Variants in ROBO1 observed in about 807,000 individuals in gnomAD.
The protein encoded by ROBO1 is roundabout guidance receptor 1.
In ROBO1, 149 loss-of-function variants were observed where a neutral mutation model predicts 195.9. That is an observed-to-expected ratio of 0.76 (90% CI 0.67 to 0.87). ROBO1 has a LOEUF of 0.87. ROBO1 is among the 40% of genes least tolerant of loss of function. The pLI is 0.00. For missense variants in ROBO1, 1,933 were observed against 2,068.3 expected, an observed-to-expected ratio of 0.93 and a Z score of 1.27; for synonymous variants, 816 against 733.2, an observed-to-expected ratio of 1.11 and a Z score of -1.82.
intron 2 of ROBO1, among the ~76,000 whole-genome samples, chr3:79,205,795 A>G (rs1190009890): frequency 6.6e-6 from 1 of 152,180 alleles, no homozygotes; most frequent in Non-Finnish European, 1.5e-5. Flanking sequence ...AAGCAGATGT[A>G]AAGATGGGGT....
chr3:78,746,036 T>A (rs565704026), intron 5 of ROBO1, among the ~76,000 whole-genome samples: 1 of 152,182 alleles, frequency 6.6e-6, no homozygotes, highest in Non-Finnish European at 1.5e-5. Flanking sequence ...AAGGGAAATA[T>A]TGAGCAACCA....
chr3:78,904,837 G>C (rs574117697), intron 4 of ROBO1, among the ~76,000 whole-genome samples: 1 of 151,678 alleles, frequency 6.6e-6, no homozygotes, highest in African/African-American at 2.4e-5. Context: ...GAAATTAAGA[G>C]AAGAAATTCT....
chr3:79,686,398 G>T (rs528334938), intron 1 of ROBO1, among the ~76,000 whole-genome samples: 2 of 152,218 alleles, frequency 1.3e-5, no homozygotes, highest in South Asian at 4.1e-4. Context: ...AGGAAATAAA[G>T]GGTATTCAAT....
intron 4 of ROBO1, among the ~76,000 whole-genome samples, chr3:78,827,805 C>G (rs2031768729): frequency 6.6e-6 from 1 of 152,114 alleles, no homozygotes. Context: ...TCTCTTCAGG[C>G]CTTCAACTGA....
At chr3:79,726,479 GA>G (rs528932776) in intron 1 of ROBO1, among the ~76,000 whole-genome samples, 3 of 152,084 alleles carry the variant, frequency 2.0e-5, no homozygotes, top group Non-Finnish European at 4.4e-5. Context: ...GCTTGATGTT[GA>G]AAAATAATCA....
chr3:79,732,871 C>A (rs942821046), intron 1 of ROBO1, among the ~76,000 whole-genome samples: 1 of 151,962 alleles, frequency 6.6e-6, no homozygotes. Flanking sequence ...CTTACATTTT[C>A]ATGTTTTAAA....
At chr3:78,996,554 A>C (rs1310722672) in intron 3 of ROBO1, among the ~76,000 whole-genome samples, 2 of 152,128 alleles carry the variant, frequency 1.3e-5, no homozygotes, top group Non-Finnish European at 2.9e-5. Context: ...ATCCTCATGG[A>C]AGATTTGACC....
intron 4 of ROBO1, among the ~76,000 whole-genome samples, chr3:78,860,078 C>CA (rs532903511): frequency 0.024 from 1,817 of 77,002 alleles, 22 homozygotes; most frequent in African/African-American, 0.048. Flanking sequence ...GACTTCGTCT[C>CA]AAAAAAAAAA....
chr3:79,239,595 T>C (rs963635089), intron 2 of ROBO1, among the ~76,000 whole-genome samples: 1 of 152,152 alleles, frequency 6.6e-6, no homozygotes, highest in African/African-American at 2.4e-5. Flanking sequence ...GGGTTGTCAG[T>C]GGTATTATCA....
At chr3:78,616,175 T>C (rs2107376808) in intron 27 of ROBO1, among the ~76,000 whole-genome samples, 1 of 152,336 alleles carries the variant, frequency 6.6e-6, no homozygotes, top group Non-Finnish European at 1.5e-5. Context: ...TTTCTATGTT[T>C]CGTCCATTTA....
At chr3:79,438,240 A>G (rs1043339139) in intron 2 of ROBO1, among the ~76,000 whole-genome samples, 1 of 151,998 alleles carries the variant, frequency 6.6e-6, no homozygotes, top group African/African-American at 2.4e-5. Context: ...TTAGAAGCAT[A>G]ACGAGTCAAA....
In ROBO1 at chr3:79,353,535, T is replaced by C. The variant is rs551007121; in HGVS notation, c.89-227996A>G. 1.7e-3 allele frequency among the ~76,000 whole-genome samples: 264 copies of C among 152,122 alleles called. 1 individual carries two copies. The highest frequency in any genetic ancestry group is 3.1e-3 in the Non-Finnish European group (209 of 67,980). The stretch of plus-strand genomic sequence containing the variant: ...TATTATAAAAAGATGAGATGTTCAG[T>C]ATGGTTGTATGCAATGGCTTTTACT... On this transcript the variant is annotated intron_variant, in intron 2 of 30. Transcript: ENST00000464233.
chr3:78,839,200 T>G (rs1315169361), intron 4 of ROBO1, among the ~76,000 whole-genome samples: 1 of 152,134 alleles, frequency 6.6e-6, no homozygotes, highest in Non-Finnish European at 1.5e-5. Flanking sequence ...GACAAAAGTT[T>G]GATCGCTAGA....
intron 3 of ROBO1, among the ~76,000 whole-genome samples, chr3:79,034,771 A>AT (rs1443259654): frequency 1.3e-5 from 2 of 152,272 alleles, no homozygotes; most frequent in East Asian, 3.9e-4. Context: ...AATGGAATAC[A>AT]TAAGTTTATA....
chr3:79,756,639 GAA>G (rs1189617784), intron 1 of ROBO1, among the ~76,000 whole-genome samples: 1 of 150,888 alleles, frequency 6.6e-6, no homozygotes, highest in Non-Finnish European at 1.5e-5. Flanking sequence ...AATATTTATC[GAA>G]GTCTTTTTTA....
intron 3 of ROBO1, among the ~76,000 whole-genome samples, chr3:78,962,323 T>C (rs2041392206): frequency 6.6e-6 from 1 of 152,230 alleles, no homozygotes; most frequent in African/African-American, 2.4e-5. Flanking sequence ...GCAACAGTCT[T>C]AGAAGAGGGT....
At chr3:79,563,673 T>G (rs538236142) in intron 2 of ROBO1, among the ~76,000 whole-genome samples, 1 of 152,198 alleles carries the variant, frequency 6.6e-6, no homozygotes, top group African/African-American at 2.4e-5. Context: ...TGTAATATTT[T>G]TGTGTGTCAT....
chr3:79,072,387 A>T (rs969607107), intron 3 of ROBO1, among the ~76,000 whole-genome samples: 5 of 151,848 alleles, frequency 3.3e-5, no homozygotes, highest in Non-Finnish European at 7.4e-5. Flanking sequence ...GAAAATCCTA[A>T]TATATATTAC....
At chr3:78,818,995 T>A (rs1180616319) in intron 4 of ROBO1, among the ~76,000 whole-genome samples, 1 of 152,212 alleles carries the variant, frequency 6.6e-6, no homozygotes, top group Non-Finnish European at 1.5e-5. Flanking sequence ...ATCATGAAGG[T>A]GTATATACAG....
Sources: gnomAD v4.1 joint callset for allele counts (sites outside exome capture counted in the v4.1 genomes callset) on GRCh38, gnomAD v4.1.1 for gene constraint, MANE v1.5 for transcripts, NCBI Gene and HGNC (gene_info 2026-07-23, HGNC 2026-07-21) for gene names.